The following CREB3L2 variants were observed in gnomAD, a reference collection of about 807,000 sequenced individuals.
CREB3L2 encodes cAMP responsive element binding protein 3 like 2.
CREB3L2 carries 23 observed loss-of-function variants against 57.2 expected under a neutral mutation model. The observed-to-expected ratio is 0.40, with a 90% CI of 0.29 to 0.57. CREB3L2 has a LOEUF of 0.57. Ranked by LOEUF, CREB3L2 falls within the 20% of genes least tolerant of loss-of-function variation. The pLI, the probability that CREB3L2 is intolerant of heterozygous loss-of-function variation, is 0.42. For missense variants in CREB3L2, 628 were observed against 634.7 expected, an observed-to-expected ratio of 0.99 and a Z score of 0.11; for synonymous variants, 268 against 265.1, an observed-to-expected ratio of 1.01 and a Z score of -0.11.
At chr7:137,994,009 G>A (rs188975167) in intron 1 of CREB3L2, among the ~76,000 whole-genome samples, 274 of 152,360 alleles carry the variant, frequency 1.8e-3, no homozygotes, top group African/African-American at 6.2e-3. Flanking sequence ...AAAGGCCAGG[G>A]TGCATCCACT....
rs575466684 is a variant in CREB3L2, at chr7:137,960,798, C to T, written c.103-32432G>A. 2.2e-4 allele frequency among the ~76,000 whole-genome samples: 29 copies of T among 132,758 alleles called. 1 individual carries two copies. The East Asian group carries it at 5.6e-3, about 26-fold the overall frequency. 87.1% of individuals were successfully genotyped at this position (132,758 alleles called of 152,430 possible). A position where few individuals can be genotyped will look rare whatever the true frequency, so the allele number is the denominator to read the frequency against. ...TTTACCAATTATTTTAAACTTAAAA[C>T]TAAATTATTTCTTTTTTTTTTTTTT... is the stretch of plus-strand genomic sequence containing the variant. On this transcript the variant is annotated intron_variant, in intron 1 of 11. Coordinates refer to ENST00000330387, the MANE Select transcript of CREB3L2 (RefSeq NM_194071.4).
At chr7:137,952,423 C>CT (rs1563264009) in intron 1 of CREB3L2, among the ~76,000 whole-genome samples, 1 of 152,218 alleles carries the variant, frequency 6.6e-6, no homozygotes. Flanking sequence ...AGGCTCTCAG[C>CT]CTTTCAACTC....
At chr7:137,997,685 G>A (rs1324562880) in intron 1 of CREB3L2, among the ~76,000 whole-genome samples, 1 of 152,092 alleles carries the variant, frequency 6.6e-6, no homozygotes. Flanking sequence ...CCATGATTGA[G>A]CAACTGCACT....
At chr7:137,881,017 TAACAACCTGGA>T (rs954653659) in intron 11 of CREB3L2, among the ~76,000 whole-genome samples, 1 of 152,174 alleles carries the variant, frequency 6.6e-6, no homozygotes. Context: ...TTAAATTGTG[TAACAACCTGGA>T]AAATTTCTAG....
At chr7:137,975,199 C>T (rs1221099983) in intron 1 of CREB3L2, among the ~76,000 whole-genome samples, 1 of 152,172 alleles carries the variant, frequency 6.6e-6, no homozygotes, top group Non-Finnish European at 1.5e-5. Flanking sequence ...AGATCAAACT[C>T]AACAAGGCCA....
rs748583702 is a variant in CREB3L2 at position 137,880,430 on chromosome 7, T to G, written c.*46A>C. On this transcript the variant is annotated 3_prime_UTR_variant, in exon 12 of 12. Coordinates refer to ENST00000330387, the MANE Select transcript of CREB3L2 (RefSeq NM_194071.4). This position sits in a 1 kb window ranked among gnomAD's most constrained non-coding sequence, Gnocchi z 4.0. ...GCTGATGACAAAGGTGGTTTGGGGA[T>G]GTAAAAGTAGAGTTAAGGGAAAGGG... 6.1e-6 allele frequency: 9 copies of G among 1,480,288 alleles called. No homozygotes were observed. The highest frequency in any genetic ancestry group is 8.5e-6 in the Non-Finnish European group (9 of 1,062,666). 91.7% of individuals were successfully genotyped at this position (1,480,288 alleles called of 1,614,324 possible).
chr7:137,933,841 A>G (rs1800717032), intron 1 of CREB3L2: 1 of 152,260 alleles, frequency 6.6e-6, no homozygotes, highest in African/African-American at 2.4e-5. Context: ...CTCAGCAGAC[A>G]GGTCAACATC....
intron 1 of CREB3L2, among the ~76,000 whole-genome samples, chr7:137,984,943 T>C (rs1307822923): frequency 6.6e-6 from 1 of 152,244 alleles, no homozygotes; most frequent in Admixed American, 6.5e-5. Context: ...TCAGCCTCAA[T>C]AGCTAACATT....
intron 1 of CREB3L2, among the ~76,000 whole-genome samples, chr7:137,986,145 A>T (rs1801788960): frequency 6.6e-6 from 1 of 152,234 alleles, no homozygotes; most frequent in South Asian, 2.1e-4. Flanking sequence ...CAGTAGGGAG[A>T]GCCAGAACCA....
At chr7:137,922,400 ATATATATATATATATG>A (rs1327080564) in intron 2 of CREB3L2, among the ~76,000 whole-genome samples, 580 of 20,374 alleles carry the variant, frequency 0.028, 25 homozygotes, top group African/African-American at 0.1. Flanking sequence ...ATATATATAT[ATATATATATATATATG>A]TATATATATA....
In CREB3L2 at chr7:137,906,945, G is replaced by A. The variant is rs113919107; in HGVS notation, c.769-1097C>T. Among the ~76,000 whole-genome samples the A allele has an allele frequency of 5.3e-3, 814 of 152,228 alleles. 7 individuals carry two copies. Among genetic ancestry groups the A allele is most frequent in the African/African-American group, 0.016 (671 of 41,516 alleles). On this transcript the variant is annotated intron_variant, in intron 5 of 11. Transcript: ENST00000330387. ...TTTCTCTTGTAAATTGCCCAATCTC[G>A]GGTATGTCTTTATCAGCAGCATGAA...
At chr7:137,901,884 A>AAAAAAT (rs1563245218) in intron 7 of CREB3L2, among the ~76,000 whole-genome samples, 1 of 149,254 alleles carries the variant, frequency 6.7e-6, no homozygotes, top group Non-Finnish European at 1.5e-5. Context: ...CAAAAAAAAA[A>AAAAAAT]AAAAAAAAGA....
Position 137,877,586 on chromosome 7 carries a change from C to T in CREB3L2, c.*2890G>A, listed in dbSNP as rs1799186079. On this transcript the variant is annotated 3_prime_UTR_variant, in exon 12 of 12. Transcript: ENST00000330387. ...AGTTCTCTGAATCTTTGCAAAACATCTCCTTCACTGGTGCAATCTAAGAAA... is the reference window on the plus strand; with the variant it reads ...AGTTCTCTGAATCTTTGCAAAACATTTCCTTCACTGGTGCAATCTAAGAAA... 8.8e-6 allele frequency: 2 copies of T among 226,066 alleles called. No individual in the cohort carries two copies. The highest frequency in any genetic ancestry group is 4.5e-5 in the African/African-American group (2 of 44,886). 14.0% of individuals were successfully genotyped at this position (226,066 alleles called of 1,614,324 possible). A position where few individuals can be genotyped will look rare whatever the true frequency, so the allele number is the denominator to read the frequency against.
Position 137,928,288 on chromosome 7 carries a change from T to G in CREB3L2, c.181A>C (p.Ser61Arg). ...LLNDPFLSEK[S>R]VSMEVEPSPT... Reference sequence around the variant, plus strand: ...GAAGGTTCCACCTCCATTGACACACTCTTCTCTGAGAGGAAAGGATCATTC... The same window carrying G: ...GAAGGTTCCACCTCCATTGACACACGCTTCTCTGAGAGGAAAGGATCATTC... The change falls in exon 2 of 12, where the codon AGT becomes CGT. Residue 61 changes from serine (S) to arginine (R), a missense_variant. Around this residue, in one of 3 missense-constraint regions of CREB3L2, gnomAD observed 339 missense variants for 355.4 expected, o/e 0.95. Coordinates refer to ENST00000330387, the MANE Select transcript of CREB3L2 (RefSeq NM_194071.4). 6.2e-7 allele frequency: 1 copy of G among 1,614,104 alleles called. No individual in the cohort carries two copies.
chr7:137,896,162 G>C (rs1044931091), intron 8 of CREB3L2, among the ~76,000 whole-genome samples: 1 of 152,220 alleles, frequency 6.6e-6, no homozygotes, highest in African/African-American at 2.4e-5. Context: ...TTCTCTGAGC[G>C]CCACAGACGC....
chr7:137,908,654 G>A (rs1276048774), intron 4 of CREB3L2, among the ~76,000 whole-genome samples: 1 of 152,108 alleles, frequency 6.6e-6, no homozygotes, highest in Non-Finnish European at 1.5e-5. Context: ...AAGAAACACT[G>A]GAAGTGAATA....
intron 1 of CREB3L2, among the ~76,000 whole-genome samples, chr7:137,937,888 CT>C (rs5887861): frequency 1.9e-4 from 27 of 145,774 alleles, no homozygotes; most frequent in African/African-American, 4.8e-4. Flanking sequence ...CCAGATGAAC[CT>C]TTTTTTTTTG....
At chr7:137,984,493 A>C (rs1563273664) in intron 1 of CREB3L2, among the ~76,000 whole-genome samples, 1 of 152,246 alleles carries the variant, frequency 6.6e-6, no homozygotes, top group Non-Finnish European at 1.5e-5. Flanking sequence ...GGTGACAAAC[A>C]GCCTCACGGG....
At chr7:137,943,633 C>G (rs1800913838) in intron 1 of CREB3L2, among the ~76,000 whole-genome samples, 1 of 152,082 alleles carries the variant, frequency 6.6e-6, no homozygotes, top group Non-Finnish European at 1.5e-5. Context: ...TTCTAGGAAG[C>G]CTAGAAAAAA....
Sources: gnomAD v4.1 joint callset for allele counts (sites outside exome capture counted in the v4.1 genomes callset) on GRCh38, gnomAD v4.1.1 for gene constraint, gnomAD v4.1.1 regional missense constraint, Gnocchi (gnomAD v3.1) non-coding constraint, MANE v1.5 for transcripts, NCBI Gene and HGNC (gene_info 2026-07-23, HGNC 2026-07-21) for gene names.